Variants in CEP290 observed in about 807,000 individuals in gnomAD.
CEP290 encodes centrosomal protein of 290 kDa.
A neutral mutation model predicts 344.9 loss-of-function variants in CEP290; 317 were observed. The observed-to-expected ratio is 0.92, with a 90% confidence interval of 0.84 to 1.01. The LOEUF (loss-of-function observed/expected upper bound fraction) is 1.01, where lower values mean the gene tolerates loss of function less well. CEP290 is among the 50% of genes least tolerant of loss of function. The pLI, the probability that CEP290 is intolerant of heterozygous loss-of-function variation, is 0.00. For synonymous variants in CEP290, 932 were observed against 895.8 expected (o/e 1.04, Z -0.72); for missense variants, 2,754 against 2,761.4 (o/e 1.00, Z 0.06).
At chr12:88,104,467 A>G (rs2038126074) in intron 25 of CEP290, among the ~76,000 whole-genome samples, 1 of 152,122 alleles carries the variant, frequency 6.6e-6, no homozygotes, top group African/African-American at 2.4e-5. Flanking sequence ...TAAGTTACCT[A>G]CAGAGGGTGG....
intron 40 of CEP290, 70 bp from the exon 41 acceptor site, chr12:88,077,414 A>G (rs1321249136): frequency 3.9e-6 from 4 of 1,033,096 alleles, no homozygotes; most frequent in African/African-American, 3.3e-5. Flanking sequence ...AAATATTTCA[A>G]TTATATAATA....
At chr12:88,059,406 T>C (rs2034277645) in intron 48 of CEP290, among the ~76,000 whole-genome samples, 1 of 152,116 alleles carries the variant, frequency 6.6e-6, no homozygotes. Context: ...ACGTAGATCA[T>C]TTCTTTTTTT....
chr12:88,136,828 T>C, intron 5 of CEP290, 42 bp from the exon 6 acceptor site: 1 of 1,583,000 alleles, frequency 6.3e-7, no homozygotes, highest in Non-Finnish European at 8.7e-7. Flanking sequence ...TCCCATTATA[T>C]TTTGAGGTTC....
At position 88,111,187 on chromosome 12, in the gene CEP290, C is replaced by A; in HGVS notation, c.2367+15G>T. ...CATGTAAAATTTTCAATACCTGTAA[C>A]AAAATTTTCAATACCTGTAACAAAT... is the stretch of plus-strand genomic sequence containing the variant. On this transcript the variant is annotated intron_variant, in intron 22 of 53. Coordinates refer to ENST00000552810, the MANE Select transcript of CEP290 (RefSeq NM_025114.4). The A allele has an allele frequency of 7.5e-7, 1 of 1,336,898 alleles. No homozygotes were observed. The highest frequency in any genetic ancestry group is 9.7e-7 in the Non-Finnish European group (1 of 1,031,292). The allele number at this position is 1,336,898 out of a possible 1,614,324, so 82.8% of individuals were successfully genotyped here.
intron 20 of CEP290, among the ~76,000 whole-genome samples, chr12:88,114,067 A>G (rs767102990): frequency 1.3e-5 from 2 of 152,040 alleles, no homozygotes; most frequent in Non-Finnish European, 2.9e-5. Context: ...CACAGGATAC[A>G]GCCCAAAGCC....
intron 6 of CEP290, among the ~76,000 whole-genome samples, chr12:88,134,396 G>C (rs539879087): frequency 1.3e-5 from 2 of 152,186 alleles, no homozygotes; most frequent in African/African-American, 4.8e-5. Flanking sequence ...TACTAGTCTT[G>C]GCCCTTTTCA....
chr12:88,121,291 A>T, intron 13 of CEP290, 125 bp from the exon 14 acceptor site: 1 of 673,166 alleles, frequency 1.5e-6, no homozygotes, highest in Non-Finnish European at 2.4e-6. Flanking sequence ...TTGTCATTTT[A>T]TATTTGTAAG....
intron 43 of CEP290, 41 bp downstream of exon 43, chr12:88,071,253 T>C: frequency 6.5e-7 from 1 of 1,536,618 alleles, no homozygotes; most frequent in Non-Finnish European, 8.9e-7. Flanking sequence ...TCAACCAGTT[T>C]TTCATTACAA....
intron 13 of CEP290, among the ~76,000 whole-genome samples, chr12:88,122,205 C>T (rs1254966778): frequency 1.3e-5 from 2 of 152,096 alleles, no homozygotes; most frequent in African/African-American, 4.8e-5. Context: ...TATCTATTCT[C>T]CCTTCCATCC....
At chr12:88,077,582 C>T (rs2137054782) in intron 40 of CEP290, 115 bp downstream of exon 40, 1 of 734,194 alleles carries the variant, frequency 1.4e-6, no homozygotes, top group East Asian at 2.8e-5. Flanking sequence ...TTACATTAAT[C>T]AAAGTGATTT....
Position 88,107,036 on chromosome 12 carries a change from T to A in CEP290, c.2546A>T (p.Asp849Val), listed in dbSNP as rs1313832672. The change falls in exon 24 of 54, where the codon GAT (aspartate) becomes GTT (valine). Residue 849 changes from aspartate to valine, a missense_variant. Coordinates refer to ENST00000552810, the MANE Select transcript of CEP290 (RefSeq NM_025114.4). ...TTTTATAGCATCTTGTTGGACTTGA[T>A]CCTCAAGTTTTCTCTTTTCCTCTTT... Reference protein sequence around the residue: ...TIKEEKRKLEDQVQQDAIKVK... With the variant: ...TIKEEKRKLEVQVQQDAIKVK... 2.6e-6 allele frequency: 4 copies of A among 1,555,010 alleles called. No homozygotes were observed. The East Asian group carries it at 9.3e-5, about 36-fold the overall frequency.
chr12:88,061,146 GA>G (rs919166130), intron 46 of CEP290, among the ~76,000 whole-genome samples, 152 bp from the exon 47 acceptor site: 22 of 152,220 alleles, frequency 1.4e-4, no homozygotes, highest in Middle Eastern at 6.9e-3. Context: ...AATTCTATGA[GA>G]TAGGAATTAT....
At chr12:88,117,585 C>T (rs1028375287) in intron 17 of CEP290, among the ~76,000 whole-genome samples, 1 of 152,064 alleles carries the variant, frequency 6.6e-6, no homozygotes, top group Non-Finnish European at 1.5e-5. Flanking sequence ...GGATTTGGGG[C>T]AAGTGAAAAA....
chr12:88,059,820 A>C lies in CEP290; in HGVS notation c.6645+78T>G, dbSNP rs1292352863. On this transcript the variant is annotated intron_variant, in intron 48 of 53. Transcript: ENST00000552810. Reference sequence around the variant, plus strand: ...TCTACCTTTACAGACACTCTCATCAAGGATCTACTTCCAGTTTTTCCAAGA... The same window carrying C: ...TCTACCTTTACAGACACTCTCATCACGGATCTACTTCCAGTTTTTCCAAGA... The C allele has an allele frequency of 4.1e-6, 5 of 1,206,870 alleles. No individual in the cohort carries two copies. The African/African-American group carries it at 6.2e-5, about 15-fold the overall frequency. 74.8% of individuals were successfully genotyped at this position (1,206,870 alleles called of 1,614,324 possible).
intron 11 of CEP290, among the ~76,000 whole-genome samples, chr12:88,127,045 CAAATTAAA>C (rs569874696): frequency 0.14 from 1,133 of 8,170 alleles, 20 homozygotes; most frequent in African/African-American, 0.16. Flanking sequence ...AAAACATACA[CAAATTAAA>C]ACAAGTATAC....
rs1194049450 is a variant in CEP290, at chr12:88,094,072, T to A, written c.3104-97A>T. On this transcript the variant is annotated intron_variant, in intron 27 of 53. Transcript: ENST00000552810. ...TATATTAGAAAGCATTATAGTTCCA[T>A]GGAAAGCACATTAGCTTTCTGAATT... The A allele has an allele frequency of 4.3e-6, 4 of 934,372 alleles. No homozygotes were observed. In the African/African-American group the frequency reaches 6.6e-5, roughly 16 times the overall value. 57.9% of individuals were successfully genotyped at this position (934,372 alleles called of 1,614,324 possible).
rs2039368628 is a variant in CEP290, at chr12:88,121,071, G to A, written c.1285C>T (p.Leu429=). 1 of 1,613,496 alleles carries A rather than the reference G, an allele frequency of 6.2e-7. No individual in the cohort carries two copies. Among genetic ancestry groups the A allele is most frequent in the Non-Finnish European group, 8.5e-7 (1 of 1,179,626 alleles). Residue 429 remains leucine, a synonymous_variant, in exon 14 of 54, where the codon CTG becomes TTG. Coordinates refer to ENST00000552810, the MANE Select transcript of CEP290 (RefSeq NM_025114.4). ...KTKEAERTAE[L]AEADAREKDK... ...TTTTCCCTAGCATCAGCCTCAGCCA[G>A]TTCAGCTGTTCTCTCAGCCTCTTTA...
At chr12:88,124,266 G>A (rs998856826) in intron 13 of CEP290, among the ~76,000 whole-genome samples, 1 of 152,048 alleles carries the variant, frequency 6.6e-6, no homozygotes, top group Non-Finnish European at 1.5e-5. Context: ...TGCCTCACTT[G>A]CTGACTCTAC....
chr12:88,125,490 G>T, intron 12 of CEP290, 121 bp from the exon 13 acceptor site: 1 of 400,068 alleles, frequency 2.5e-6, no homozygotes, highest in Non-Finnish European at 4.2e-6. Context: ...GTGGGTACAA[G>T]TATGCCTTTT....
Sources: gnomAD v4.1 joint callset for allele counts (sites outside exome capture counted in the v4.1 genomes callset) on GRCh38, gnomAD v4.1.1 for gene constraint, MANE v1.5 for transcripts, NCBI Gene and HGNC (gene_info 2026-07-23, HGNC 2026-07-21) for gene names.